Variants in PLXNA2 observed in about 807,000 individuals in gnomAD.
PLXNA2 encodes plexin A2.
In PLXNA2, 91 loss-of-function variants were observed where a neutral mutation model predicts 193.5. That is an observed-to-expected ratio of 0.47 (90% CI 0.40 to 0.56). The LOEUF (loss-of-function observed/expected upper bound fraction) is 0.56, where lower values mean the gene tolerates loss of function less well. Among genes scored for constraint, PLXNA2 ranks in the 20% least tolerant of loss-of-function variants. PLXNA2 has a pLI of 0.00. For synonymous variants in PLXNA2, 997 were observed against 1,027.3 expected, an observed-to-expected ratio of 0.97 and a Z score of 0.56; for missense variants, 1,995 against 2,503.2, an observed-to-expected ratio of 0.80 and a Z score of 4.33.
intron 15 of PLXNA2, 72 bp from the exon 16 acceptor site, chr1:208,051,495 G>C: frequency 7.5e-7 from 1 of 1,333,960 alleles, no homozygotes; most frequent in Non-Finnish European, 1.0e-6. Flanking sequence ...GCTTGACAAG[G>C]GGCTTTCCTT....
chr1:208,063,043 C>T (rs1186904620), intron 12 of PLXNA2, among the ~76,000 whole-genome samples: 1 of 152,154 alleles, frequency 6.6e-6, no homozygotes, highest in Admixed American at 6.5e-5. Flanking sequence ...TGAGCTTCAC[C>T]AGCCCCTCCA....
At chr1:208,076,174 C>T (rs1486443082) in intron 12 of PLXNA2, among the ~76,000 whole-genome samples, 1 of 151,724 alleles carries the variant, frequency 6.6e-6, no homozygotes, top group South Asian at 2.1e-4. Context: ...ATCAAGTGAT[C>T]CTCCCACCCC....
chr1:208,127,693 G>A (rs1668015074), intron 4 of PLXNA2, among the ~76,000 whole-genome samples: 1 of 152,194 alleles, frequency 6.6e-6, no homozygotes, highest in Non-Finnish European at 1.5e-5. Flanking sequence ...AAAACAACCT[G>A]GTAAAGCTCA....
intron 3 of PLXNA2, among the ~76,000 whole-genome samples, chr1:208,154,174 CT>C (rs944618688): frequency 5.9e-5 from 9 of 152,164 alleles, no homozygotes; most frequent in Admixed American, 4.6e-4. Flanking sequence ...TGCCCACCCC[CT>C]TTTTGTGCTA....
At chr1:208,031,057 A>G (rs1319805167) in intron 29 of PLXNA2, 4 of 990,194 alleles carry the variant, frequency 4.0e-6, no homozygotes, top group Non-Finnish European at 4.8e-6. Context: ...CAAGTTTGCA[A>G]TGAAATCCTC....
chr1:208,055,985 T>C (rs907421964), intron 13 of PLXNA2, among the ~76,000 whole-genome samples: 10 of 152,252 alleles, frequency 6.6e-5, no homozygotes, highest in African/African-American at 2.4e-4. Flanking sequence ...CAATTAATTA[T>C]AAACCCAAGG....
intron 1 of PLXNA2, among the ~76,000 whole-genome samples, chr1:208,233,275 G>C (rs1255046214): frequency 2.0e-5 from 3 of 152,152 alleles, no homozygotes; most frequent in African/African-American, 7.2e-5. Context: ...ATAAACACTC[G>C]TTCAGTCAAA....
At position 208,044,771 on chromosome 1, in the gene PLXNA2, T is replaced by C. The variant is rs772579101; in HGVS notation, c.3640-29A>G. 4 of 1,548,324 alleles carry C rather than the reference T, an allele frequency of 2.6e-6. No homozygotes were observed. The highest frequency in any genetic ancestry group is 3.6e-6 in the Non-Finnish European group (4 of 1,125,088). On this transcript the variant is annotated intron_variant, in intron 19 of 31. Coordinates refer to ENST00000367033, the MANE Select transcript of PLXNA2 (RefSeq NM_025179.4). This position sits in a 1 kb window ranked among gnomAD's most constrained non-coding sequence, Gnocchi z 4.9. ...TGCATTGTACACATACAGACGCACA[T>C]GGATGCACACAGGTGTAGAGCCCGG...
At chr1:208,237,364 T>C (rs919984639) in intron 1 of PLXNA2, among the ~76,000 whole-genome samples, 3 of 152,116 alleles carry the variant, frequency 2.0e-5, no homozygotes, top group African/African-American at 7.2e-5. Context: ...CACTTAAATG[T>C]GAATGTGGAT....
intron 9 of PLXNA2, among the ~76,000 whole-genome samples, chr1:208,091,545 T>C (rs550727245): frequency 2.0e-5 from 3 of 152,288 alleles, no homozygotes; most frequent in African/African-American, 4.8e-5. Context: ...TTCAAGGAGC[T>C]TGTAGTCTAG....
intron 1 of PLXNA2, among the ~76,000 whole-genome samples, chr1:208,239,714 C>T (rs931995590): frequency 2.0e-5 from 3 of 152,224 alleles, no homozygotes; most frequent in East Asian, 1.9e-4. Flanking sequence ...TGTGTGAAGC[C>T]GGCTGCTCCC....
rs1250008284 is a variant in PLXNA2 at position 208,024,099 on chromosome 1, AG to A, written c.*3143del. The A allele has an allele frequency of 6.6e-6, 1 of 152,346 alleles. No individual in the cohort carries two copies. Among genetic ancestry groups the A allele is most frequent in the Non-Finnish European group, 1.5e-5 (1 of 68,142 alleles). The allele number at this position is 152,346 out of a possible 1,614,324, so 9.4% of individuals were successfully genotyped here. ...CCCATTAGCATCCTCTGTCTTGCCA[AG>A]CACCCTTCTGGGGTCCTCTTCCTTT... On this transcript the variant is annotated 3_prime_UTR_variant, in exon 32 of 32. Coordinates refer to ENST00000367033, the MANE Select transcript of PLXNA2 (RefSeq NM_025179.4).
chr1:208,172,440 C>T (rs934996770), intron 3 of PLXNA2, among the ~76,000 whole-genome samples: 2 of 152,152 alleles, frequency 1.3e-5, no homozygotes, highest in Admixed American at 1.3e-4. Context: ...ACCGCTGCCC[C>T]CTCCTCTTCC....
chr1:208,159,343 G>C (rs1669034580), intron 3 of PLXNA2, among the ~76,000 whole-genome samples: 2 of 152,174 alleles, frequency 1.3e-5, no homozygotes, highest in Non-Finnish European at 2.9e-5. Context: ...ATCCTGTGGG[G>C]GGAAGTACCT....
chr1:208,216,876 C>T lies in PLXNA2; in HGVS notation c.1047G>A (p.Pro349=), dbSNP rs141719903. The change falls in exon 2 of 32, where the codon CCG becomes CCA. Residue 349 remains proline, a synonymous_variant. Coordinates refer to ENST00000367033, the MANE Select transcript of PLXNA2 (RefSeq NM_025179.4). ...FSKGQKQYHH[P]PDDSALCAFP... is the part of the protein sequence containing the mutation. ...AGGCACACAGGGCAGAGTCATCGGG[C>T]GGGTGGTGATACTGCTTCTGCCCTT... 1.6e-3 allele frequency: 2,588 copies of T among 1,614,150 alleles called. 40 individuals carry two copies. The African/African-American group carries it at 0.031, about 19-fold the overall frequency.
At chr1:208,134,406 G>A (rs1490643141) in intron 4 of PLXNA2, among the ~76,000 whole-genome samples, 5 of 152,152 alleles carry the variant, frequency 3.3e-5, no homozygotes, top group African/African-American at 9.6e-5. Context: ...GCAGGACTCC[G>A]CCCTTTCTTT....
At chr1:208,232,122 AAGG>A (rs1455766287) in intron 1 of PLXNA2, among the ~76,000 whole-genome samples, 2 of 152,114 alleles carry the variant, frequency 1.3e-5, no homozygotes, top group Non-Finnish European at 2.9e-5. Context: ...GGCGGGTGGG[AAGG>A]AGGGCTGGGG....
chr1:208,202,003 G>C (rs962082490), intron 3 of PLXNA2, among the ~76,000 whole-genome samples: 1 of 148,310 alleles, frequency 6.7e-6, no homozygotes, highest in African/African-American at 2.5e-5. Context: ...TTTTGAGATG[G>C]AGTCTCTCTG....
At chr1:208,119,716 TCTC>T (rs1667746607) in intron 4 of PLXNA2, among the ~76,000 whole-genome samples, 1 of 152,306 alleles carries the variant, frequency 6.6e-6, no homozygotes, top group Non-Finnish European at 1.5e-5. Context: ...TTCAAGCGAT[TCTC>T]CTGCCTCAGC....
Sources: allele counts gnomAD v4.1 joint callset (sites outside exome capture counted in the v4.1 genomes callset), GRCh38; gene constraint gnomAD v4.1.1; non-coding constraint Gnocchi (gnomAD v3.1); transcripts MANE v1.5; gene names NCBI Gene and HGNC (gene_info 2026-07-23, HGNC 2026-07-21).